Variants in CNBD1 observed in about 807,000 individuals in gnomAD.
The protein encoded by CNBD1 is cyclic nucleotide-binding domain-containing protein 1.
In CNBD1, 71 loss-of-function variants were observed where a neutral mutation model predicts 54.4. That is an observed-to-expected ratio of 1.30 (90% confidence interval 1.08 to 1.59). CNBD1 has a LOEUF of 1.59. Among genes scored for constraint, CNBD1 ranks in the 40% most tolerant of loss-of-function variants. CNBD1 has a pLI of 0.00. For synonymous variants in CNBD1, 182 were observed against 170.7 expected (o/e 1.07, Z -0.51); for missense variants, 659 against 518.0 (o/e 1.27, Z -2.64).
chr8:87,398,974 T>G (rs1184389778), intron 2 of CNBD1, among the ~76,000 whole-genome samples: 1 of 152,056 alleles, frequency 6.6e-6, no homozygotes, highest in African/African-American at 2.4e-5. Context: ...AGATTGTTAT[T>G]CTTCACTGCT....
At chr8:87,228,595 C>T (rs1044534151) in intron 5 of CNBD1, among the ~76,000 whole-genome samples, 3 of 151,056 alleles carry the variant, frequency 2.0e-5, no homozygotes, top group Non-Finnish European at 4.4e-5. Context: ...GCAGTCCGCC[C>T]GTTCTCAGAT....
chr8:87,170,234 A>G (rs538580687), intron 4 of CNBD1, among the ~76,000 whole-genome samples: 1 of 152,228 alleles, frequency 6.6e-6, no homozygotes, highest in East Asian at 1.9e-4. Flanking sequence ...TAGAAATGCT[A>G]CTGATTTGTG....
At chr8:86,906,594 A>G (rs1238656817) in intron 3 of CNBD1, among the ~76,000 whole-genome samples, 3 of 152,192 alleles carry the variant, frequency 2.0e-5, no homozygotes, top group South Asian at 2.1e-4. Flanking sequence ...TTCCAAGTAT[A>G]CTCAATTTCT....
At chr8:87,200,161 T>C (rs1351306941) in intron 4 of CNBD1, among the ~76,000 whole-genome samples, 2 of 152,006 alleles carry the variant, frequency 1.3e-5, no homozygotes, top group Non-Finnish European at 2.9e-5. Flanking sequence ...CCCAGATGAA[T>C]AGGAGAGAAA....
At chr8:87,367,160 A>T (rs1314049235) in intron 10 of CNBD1, among the ~76,000 whole-genome samples, 1 of 151,874 alleles carries the variant, frequency 6.6e-6, no homozygotes, top group Non-Finnish European at 1.5e-5. Context: ...ATGGGAAGAC[A>T]CTCCTATATT....
At chr8:87,116,364 G>T (rs1000273306) in intron 4 of CNBD1, among the ~76,000 whole-genome samples, 1 of 151,602 alleles carries the variant, frequency 6.6e-6, no homozygotes, top group Non-Finnish European at 1.5e-5. Context: ...ACCACACCTG[G>T]CTAATTTTTG....
chr8:87,139,786 A>C (rs2130737002), intron 4 of CNBD1, among the ~76,000 whole-genome samples: 1 of 152,314 alleles, frequency 6.6e-6, no homozygotes. Flanking sequence ...TGATGTTGTA[A>C]GACAGCCTCT....
At chr8:87,027,175 T>G (rs1809666569) in intron 4 of CNBD1, among the ~76,000 whole-genome samples, 1 of 112,936 alleles carries the variant, frequency 8.9e-6, no homozygotes, top group South Asian at 3.7e-4. Flanking sequence ...ACTCACCAGT[T>G]TAGAGGCTAC....
chr8:87,207,581 G>A (rs1365528245), intron 5 of CNBD1, among the ~76,000 whole-genome samples: 1 of 151,962 alleles, frequency 6.6e-6, no homozygotes, highest in African/African-American at 2.4e-5. Flanking sequence ...AAATTGAGGG[G>A]TGATAAAGGG....
intron 2 of CNBD1, among the ~76,000 whole-genome samples, chr8:87,406,612 T>A (rs1807657755): frequency 6.6e-6 from 1 of 151,940 alleles, no homozygotes; most frequent in South Asian, 2.1e-4. Flanking sequence ...CCGGAGTAGC[T>A]AGGACTACAG....
intron 8 of CNBD1, among the ~76,000 whole-genome samples, chr8:87,317,046 G>T (rs939997007): frequency 6.6e-6 from 1 of 151,716 alleles, no homozygotes; most frequent in Non-Finnish European, 1.5e-5. Flanking sequence ...GTAAAATGGG[G>T]ATAATAATGA....
Position 87,414,766 on chromosome 8 carries a change from T to TA in CNBD1, c.214-13774dup, listed in dbSNP as rs560090964. Among the ~76,000 whole-genome samples, 162 of 139,380 alleles carry TA rather than the reference T, an allele frequency of 1.2e-3. 1 individual carries two copies. Among genetic ancestry groups the TA allele is most frequent in the African/African-American group, 3.9e-3 (137 of 34,698 alleles). The allele number at this position is 139,380 out of a possible 152,430, so 91.4% of individuals were successfully genotyped here. A position where few individuals can be genotyped will look rare whatever the true frequency, so the allele number is the denominator to read the frequency against. On this transcript the variant is annotated intron_variant, in intron 2 of 7. Transcript: ENST00000521593. ...TACTGGTGTGACTTGAAAACTAAAG[T>TA]AAAAAACTTGTTATTTAAAAAGGAT...
At chr8:86,967,082 C>G (rs539632436) in intron 4 of CNBD1, among the ~76,000 whole-genome samples, 80 of 152,304 alleles carry the variant, frequency 5.3e-4, no homozygotes, top group African/African-American at 1.8e-3. Context: ...AAGTCCCCAC[C>G]TGACCCAGAA....
chr8:87,102,412 C>T (rs1040633352), intron 4 of CNBD1, among the ~76,000 whole-genome samples: 2 of 152,108 alleles, frequency 1.3e-5, no homozygotes, highest in East Asian at 1.9e-4. Context: ...ATAAGTGATC[C>T]AACCAGATTT....
chr8:87,142,017 T>C (rs1485510537), intron 4 of CNBD1, among the ~76,000 whole-genome samples: 4 of 152,158 alleles, frequency 2.6e-5, no homozygotes, highest in African/African-American at 7.2e-5. Context: ...ATAAAATACA[T>C]TGGAACATTC....
At chr8:87,232,931 G>A (rs929624891) in intron 5 of CNBD1, among the ~76,000 whole-genome samples, 1 of 151,974 alleles carries the variant, frequency 6.6e-6, no homozygotes, top group African/African-American at 2.4e-5. Context: ...TAACATTATT[G>A]TTAACTAATT....
intron 8 of CNBD1, among the ~76,000 whole-genome samples, chr8:87,337,249 TG>T (rs1447746924): frequency 6.6e-6 from 1 of 152,104 alleles, no homozygotes; most frequent in African/African-American, 2.4e-5. Flanking sequence ...TTTGCTGTGC[TG>T]GGGGGAAACA....
intron 4 of CNBD1, among the ~76,000 whole-genome samples, chr8:87,026,095 A>AT (rs1563439706): frequency 1.3e-5 from 2 of 152,108 alleles, no homozygotes; most frequent in South Asian, 2.1e-4. Context: ...TGTTTTGCTT[A>AT]TTTTTTGAAT....
intron 8 of CNBD1, among the ~76,000 whole-genome samples, chr8:87,346,106 A>G (rs1242271094): frequency 6.6e-6 from 1 of 151,720 alleles, no homozygotes; most frequent in Admixed American, 6.6e-5. Context: ...CAATGGCGAG[A>G]TCTTGGCTTA....
Sources: gnomAD v4.1 joint callset for allele counts (sites outside exome capture counted in the v4.1 genomes callset) on GRCh38, gnomAD v4.1.1 for gene constraint, MANE v1.5 for transcripts, NCBI Gene and HGNC (gene_info 2026-07-23, HGNC 2026-07-21) for gene names.